The following MEN1 variants were observed in gnomAD, a reference collection of about 807,000 sequenced individuals.
MEN1 encodes the protein menin 1, also known as menin.
Under a neutral mutation model 58.0 loss-of-function variants are expected in MEN1, and 6 were observed. The observed-to-expected ratio is 0.10, with a 90% CI of 0.06 to 0.20. The LOEUF is 0.20. MEN1 is among the 10% of genes least tolerant of loss of function. The pLI, the probability that MEN1 is intolerant of heterozygous loss-of-function variation, is 1.00. For missense variants in MEN1, 492 were observed against 818.5 expected, an observed-to-expected ratio of 0.60 and a Z score of 4.87; for synonymous variants, 346 against 350.7, an observed-to-expected ratio of 0.99 and a Z score of 0.15.
At position 64,807,602 on chromosome 11, in the gene MEN1, G is replaced by A; in HGVS notation, c.733C>T (p.Pro245Ser). The stretch of plus-strand genomic sequence containing the variant: ...GAGTCGGTGTGCAGGTCAATGGAAG[G>A]GTTGATGGCACACACCATGAACGCC... ...EVAFMVCAIN[P>S]SIDLHTDSLE... The change falls in exon 4 of 10, where the codon CCT becomes TCT. Residue 245 changes from proline (P) to serine (S), a missense_variant. Physicochemically the swap from Pro to Ser is moderately conservative, Grantham distance 74. Transcript: ENST00000450708. The surrounding 1 kb of genome is among the most constrained non-coding windows in gnomAD (Gnocchi z 4.9). 6.2e-7 allele frequency: 1 copy of A among 1,614,160 alleles called. No individual in the cohort carries two copies. Among genetic ancestry groups the A allele is most frequent in the Non-Finnish European group, 8.5e-7 (1 of 1,180,022 alleles).
At position 64,804,855 on chromosome 11, in the gene MEN1, C is replaced by G. The variant is rs1555164025; in HGVS notation, c.1351-39G>C. Reference sequence around the variant, plus strand: ...GAGAGCAAGGTGAGAGCAAGGTTGCCGGCCAGTGGCTGGAACTCCAGGACC... The same window carrying G: ...GAGAGCAAGGTGAGAGCAAGGTTGCGGGCCAGTGGCTGGAACTCCAGGACC... On this transcript the variant is annotated intron_variant, in intron 9 of 9. Transcript: ENST00000450708. This position sits in a 1 kb window ranked among gnomAD's most constrained non-coding sequence, Gnocchi z 4.2. 1 of 1,595,350 alleles carries G rather than the reference C, an allele frequency of 6.3e-7. No homozygotes were observed. Among genetic ancestry groups the G allele is most frequent in the Non-Finnish European group, 8.5e-7 (1 of 1,177,906 alleles).
chr11:64,805,399 G>A (rs1941648017), intron 8 of MEN1, among the ~76,000 whole-genome samples: 1 of 152,202 alleles, frequency 6.6e-6, no homozygotes, highest in South Asian at 2.1e-4. Flanking sequence ...CCCCTCAGCT[G>A]AGGGAGGGAG....
chr11:64,805,991 A>C (rs1941694965), intron 7 of MEN1: 2 of 650,666 alleles, frequency 3.1e-6, no homozygotes, highest in Non-Finnish European at 2.7e-6. Context: ...ATGGTGGTTA[A>C]ACATTGGAGA....
intron 7 of MEN1, 59 bp from the exon 8 acceptor site, chr11:64,805,829 C>G (rs1941682796): frequency 6.2e-7 from 1 of 1,604,294 alleles, no homozygotes; most frequent in Non-Finnish European, 8.5e-7. Flanking sequence ...GGGGGTAGCC[C>G]CAGGGACCTG....
chr11:64,807,261 G>A lies in MEN1; in HGVS notation c.784-42C>T, dbSNP rs1251763777. On this transcript the variant is annotated intron_variant, in intron 4 of 9. Transcript: ENST00000450708. This position sits in a 1 kb window ranked among gnomAD's most constrained non-coding sequence, Gnocchi z 4.9. ...AGAGTTATGAGCCACGGAACAGGGA[G>A]GAGAACGGGTCCTTAGCCTATCGGG... The A allele has an allele frequency of 6.2e-7, 1 of 1,602,086 alleles. No homozygotes were observed. The highest frequency in any genetic ancestry group is 8.5e-7 in the Non-Finnish European group (1 of 1,175,782).
Position 64,809,954 on chromosome 11 carries a change from G to T in MEN1, c.156C>A (p.Arg52=), listed in dbSNP as rs1592659960. ...GFVEHFLAVN[R]VIPTNVPELT... is the part of the protein sequence containing the mutation. Reference sequence around the variant, plus strand: ...GCTCGGGAACGTTGGTAGGGATGACGCGGTTGACAGCCAGAAAATGCTCCA... The same window carrying T: ...GCTCGGGAACGTTGGTAGGGATGACTCGGTTGACAGCCAGAAAATGCTCCA... Residue 52 remains arginine, a synonymous_variant, in exon 2 of 10, where the codon CGC becomes CGA. Coordinates refer to ENST00000450708, the MANE Select transcript of MEN1 (RefSeq NM_001370259.2). The T allele has an allele frequency of 2.5e-6, 4 of 1,584,998 alleles. No homozygotes were observed. In the East Asian group the frequency reaches 9.3e-5, roughly 37 times the overall value.
rs547187748 is a variant in MEN1 at position 64,807,284 on chromosome 11, G to A, written c.784-65C>T. ...GAGGAGAACGGGTCCTTAGCCTATC[G>A]GGCAGAGGTGGGGGTCAGAACCAAC... On this transcript the variant is annotated intron_variant, in intron 4 of 9. Coordinates refer to ENST00000450708, the MANE Select transcript of MEN1 (RefSeq NM_001370259.2). This position sits in a 1 kb window ranked among gnomAD's most constrained non-coding sequence, Gnocchi z 4.9. 40 of 1,550,770 alleles carry A rather than the reference G, an allele frequency of 2.6e-5. No homozygotes were observed. The Admixed American group carries it at 3.3e-4, about 13-fold the overall frequency.
chr11:64,804,631 T>A lies in MEN1; in HGVS notation c.1536A>T (p.Ser512=). Residue 512 remains serine (S), a synonymous_variant, in exon 10 of 10, where the codon TCA becomes TCT. Coordinates refer to ENST00000450708, the MANE Select transcript of MEN1 (RefSeq NM_001370259.2). This position sits in a 1 kb window ranked among gnomAD's most constrained non-coding sequence, Gnocchi z 4.2. ...TCCCAGGAGGCTTCCGGGGGGGTCC[T>A]GACACTGCACCCTGGCCGGTGCCCA... ...KGLGTGQGAV[S]GPPRKPPGTV... The A allele has an allele frequency of 6.2e-7, 1 of 1,605,938 alleles. No homozygotes were observed. Among genetic ancestry groups the A allele is most frequent in the Non-Finnish European group, 8.5e-7 (1 of 1,177,910 alleles).
At chr11:64,809,098 C>CA (rs1211601964) in intron 2 of MEN1, among the ~76,000 whole-genome samples, 5 of 150,450 alleles carry the variant, frequency 3.3e-5, no homozygotes, top group African/African-American at 4.9e-5. Context: ...ACCATCTCTA[C>CA]AAAAAAAATA....
At chr11:64,810,366 C>T in intron 1 of MEN1, 148 bp downstream of exon 1, 1 of 552,370 alleles carries the variant, frequency 1.8e-6, no homozygotes, top group Non-Finnish European at 3.2e-6. Flanking sequence ...TGGGGTGCGC[C>T]CCAAGCACCC....
At chr11:64,805,847 A>G (rs558038982) in intron 7 of MEN1, 77 bp from the exon 8 acceptor site, 1 of 1,508,796 alleles carries the variant, frequency 6.6e-7, no homozygotes. Flanking sequence ...CTGGCGGGGG[A>G]TGGAGCCCCC....
chr11:64,807,272 C>A lies in MEN1; in HGVS notation c.784-53G>T, dbSNP rs1565646132. On this transcript the variant is annotated intron_variant, in intron 4 of 9. Coordinates refer to ENST00000450708, the MANE Select transcript of MEN1 (RefSeq NM_001370259.2). The surrounding 1 kb of genome is among the most constrained non-coding windows in gnomAD (Gnocchi z 4.9). ...CCACGGAACAGGGAGGAGAACGGGTCCTTAGCCTATCGGGCAGAGGTGGGG... is the reference window on the plus strand; with the variant it reads ...CCACGGAACAGGGAGGAGAACGGGTACTTAGCCTATCGGGCAGAGGTGGGG... 1 of 1,589,516 alleles carries A rather than the reference C, an allele frequency of 6.3e-7. No individual in the cohort carries two copies. The highest frequency in any genetic ancestry group is 1.1e-5 in the South Asian group (1 of 89,276).
At chr11:64,805,551 C>T in intron 8 of MEN1, 84 bp downstream of exon 8, 4 of 1,550,530 alleles carry the variant, frequency 2.6e-6, no homozygotes, top group Non-Finnish European at 3.5e-6. Context: ...ATCCCTAATC[C>T]CGTACATGCA....
rs569361130 is a variant in MEN1 at position 64,807,382 on chromosome 11, T to C, written c.784-163A>G. On this transcript the variant is annotated intron_variant, in intron 4 of 9. Transcript: ENST00000450708. This position sits in a 1 kb window ranked among gnomAD's most constrained non-coding sequence, Gnocchi z 4.9. ...TTAATGGAGTCAAAGCAATTTCACATCTCAATTCTACTCTCCCAAGAGCCC... is the reference window on the plus strand; with the variant it reads ...TTAATGGAGTCAAAGCAATTTCACACCTCAATTCTACTCTCCCAAGAGCCC... Among the ~76,000 whole-genome samples, 39 of 152,248 alleles carry C rather than the reference T, an allele frequency of 2.6e-4. No individual in the cohort carries two copies. Among genetic ancestry groups the C allele is most frequent in the African/African-American group, 9.4e-4 (39 of 41,528 alleles).
In MEN1 at chr11:64,807,081, C is replaced by A; in HGVS notation, c.842G>T (p.Gly281Val). ...GHLERYPMALGNLADLEELEP... is the reference protein window; with the variant it reads ...GHLERYPMALVNLADLEELEP... ...CAGCTCCTCTAGATCTGCCAGGTTC[C>A]CTAAGGCCATGGGGTACCTAGGAAA... The change falls in exon 6 of 10, where the codon GGG becomes GTG. Residue 281 changes from glycine (G) to valine (V), a missense_variant. Gly to Val is a moderately radical substitution (Grantham distance 109, BLOSUM62 -3). Around this residue, in one of 5 missense-constraint regions of MEN1, gnomAD observed 335 missense variants for 550.3 expected, o/e 0.61. Transcript: ENST00000450708. The surrounding 1 kb of genome is among the most constrained non-coding windows in gnomAD (Gnocchi z 4.9). 6.2e-7 allele frequency: 1 copy of A among 1,614,102 alleles called. No individual in the cohort carries two copies. Among genetic ancestry groups the A allele is most frequent in the Non-Finnish European group, 8.5e-7 (1 of 1,180,028 alleles).
At chr11:64,806,043 G>A (rs1158873039) in intron 7 of MEN1, 189 bp downstream of exon 7, 16 of 713,590 alleles carry the variant, frequency 2.2e-5, no homozygotes, top group Non-Finnish European at 3.7e-5. Context: ...GAGGAGAGGG[G>A]AGGGAGGGAA....
At chr11:64,805,493 T>C in intron 8 of MEN1, 142 bp downstream of exon 8, 4 of 1,114,824 alleles carry the variant, frequency 3.6e-6, no homozygotes, top group Non-Finnish European at 5.1e-6. Context: ...ACCTCAGTTA[T>C]AGCAAAAGGG....
At chr11:64,810,911 T>G (rs1272277839), upstream of MEN1, 2 of 152,030 alleles carry the variant, frequency 1.3e-5, no homozygotes, top group African/African-American at 4.8e-5. Context: ...GGTTGCTTGA[T>G]CCAGAAAAAA....
At chr11:64,805,810 C>T (rs1371439955) in intron 7 of MEN1, 40 bp from the exon 8 acceptor site, 1 of 1,613,028 alleles carries the variant, frequency 6.2e-7, no homozygotes, top group African/African-American at 1.3e-5. Context: ...CTGAAGGGGT[C>T]TCACCATCGG....
Sources: gnomAD v4.1 joint callset for allele counts (sites outside exome capture counted in the v4.1 genomes callset) on GRCh38, gnomAD v4.1.1 for gene constraint, gnomAD v4.1.1 regional missense constraint, Gnocchi (gnomAD v3.1) non-coding constraint, MANE v1.5 for transcripts, NCBI Gene and HGNC (gene_info 2026-07-23, HGNC 2026-07-21) for gene names.